The following UBE2K variants were observed in gnomAD, a reference collection of about 807,000 sequenced individuals.
The protein encoded by UBE2K is ubiquitin-conjugating enzyme E2 K.
Under a neutral mutation model 30.0 loss-of-function variants are expected in UBE2K, and 6 were observed. The observed-to-expected ratio is 0.20, with a 90% CI of 0.11 to 0.39. UBE2K has a LOEUF of 0.39. Among genes scored for constraint, UBE2K ranks in the 10% least tolerant of loss-of-function variants. The pLI is 1.00. For missense variants in UBE2K, 61 were observed against 241.6 expected (o/e 0.25, Z 4.96); for synonymous variants, 86 against 83.7 (o/e 1.03, Z -0.15).
At chr4:39,726,517 CCT>C (rs1438096662) in intron 1 of UBE2K, among the ~76,000 whole-genome samples, 10 of 147,922 alleles carry the variant, frequency 6.8e-5, no homozygotes. Flanking sequence ...CACCACTCCT[CCT>C]GGCCTCCACT....
intron 1 of UBE2K, among the ~76,000 whole-genome samples, chr4:39,716,024 A>G (rs1719039947): frequency 6.6e-6 from 1 of 152,038 alleles, no homozygotes; most frequent in Non-Finnish European, 1.5e-5. Flanking sequence ...CATTTTGTAC[A>G]TGTTCCTTCA....
chr4:39,718,686 C>T (rs973310129), intron 1 of UBE2K, among the ~76,000 whole-genome samples: 21 of 152,236 alleles, frequency 1.4e-4, no homozygotes, highest in Non-Finnish European at 5.9e-5. Context: ...TTGAGCGCAG[C>T]GCTGGTGGGC....
intron 3 of UBE2K, among the ~76,000 whole-genome samples, chr4:39,752,820 G>A (rs1721339095): frequency 6.6e-6 from 1 of 151,836 alleles, no homozygotes; most frequent in African/African-American, 2.4e-5. Flanking sequence ...GAAAATGCTC[G>A]TTGGAGCATT....
At position 39,777,671 on chromosome 4, in the gene UBE2K, C is replaced by T. The variant is rs1303346799; in HGVS notation, c.400-11C>T. 4 of 1,533,658 alleles carry T rather than the reference C, an allele frequency of 2.6e-6. No individual in the cohort carries two copies. The highest frequency in any genetic ancestry group is 3.5e-6 in the Non-Finnish European group (4 of 1,151,972). ...GTAATGTCATGTCAATCAATTTTTC[C>T]CCCCATATAGTACAAACAAAATCCC... On this transcript the variant is annotated splice_polypyrimidine_tract_variant and intron_variant, in intron 5 of 6. Transcript: ENST00000261427.
intron 1 of UBE2K, among the ~76,000 whole-genome samples, chr4:39,706,546 C>G: frequency 6.6e-6 from 1 of 150,454 alleles, no homozygotes; most frequent in South Asian, 2.1e-4. Context: ...GATCCAAGCT[C>G]ACTGCAGCCA....
intron 1 of UBE2K, among the ~76,000 whole-genome samples, chr4:39,725,418 A>T: frequency 6.8e-6 from 1 of 147,620 alleles, no homozygotes; most frequent in African/African-American, 2.5e-5. Context: ...ACCTCTTGAT[A>T]GTAAGGTTTC....
At chr4:39,770,943 C>G in intron 4 of UBE2K, 1 of 1,564,474 alleles carries the variant, frequency 6.4e-7, no homozygotes. Flanking sequence ...GGGGTGGGGG[C>G]TTCGGGGCTG....
chr4:39,767,540 G>A (rs1040629232), intron 4 of UBE2K, among the ~76,000 whole-genome samples: 1 of 151,946 alleles, frequency 6.6e-6, no homozygotes, highest in Non-Finnish European at 1.5e-5. Flanking sequence ...TGCCAGGATG[G>A]TCTCGATCTC....
chr4:39,706,058 C>G (rs776632114), intron 1 of UBE2K, among the ~76,000 whole-genome samples: 1 of 152,166 alleles, frequency 6.6e-6, no homozygotes, highest in African/African-American at 2.4e-5. Flanking sequence ...GTCACCTAGG[C>G]TGGAGTGCAG....
chr4:39,731,048 C>A (rs377528927), intron 1 of UBE2K, among the ~76,000 whole-genome samples: 1 of 151,738 alleles, frequency 6.6e-6, no homozygotes, highest in Non-Finnish European at 1.5e-5. Context: ...TGCAGTGGCA[C>A]GATCTCAACT....
intron 2 of UBE2K, among the ~76,000 whole-genome samples, chr4:39,744,426 C>A (rs1720875706): frequency 6.6e-6 from 1 of 151,398 alleles, no homozygotes. Context: ...CCTGCCTCAG[C>A]CTCCCAAAGT....
At chr4:39,748,982 TA>T (rs1167388041) in intron 3 of UBE2K, among the ~76,000 whole-genome samples, 1 of 152,238 alleles carries the variant, frequency 6.6e-6, no homozygotes, top group Non-Finnish European at 1.5e-5. Flanking sequence ...GGGGAATATT[TA>T]TGTAAATTTC....
intron 1 of UBE2K, among the ~76,000 whole-genome samples, chr4:39,734,555 T>C (rs575193013): frequency 3.3e-5 from 5 of 152,204 alleles, no homozygotes; most frequent in African/African-American, 9.6e-5. Context: ...CGCAGCACTT[T>C]TGGAGGCCAA....
chr4:39,774,892 G>A lies in UBE2K; in HGVS notation c.358G>A (p.Ala120Thr). 6.2e-7 allele frequency: 1 copy of A among 1,606,474 alleles called. No homozygotes were observed. Among genetic ancestry groups the A allele is most frequent in the Non-Finnish European group, 8.5e-7 (1 of 1,174,472 alleles). ...GTCATTGCAAGCACTATTGGCAGCT[G>A]CAGAGCCAGATGATCCACAGGATGC... ...LLSLQALLAAAEPDDPQDAVV... is the reference protein window; with the variant it reads ...LLSLQALLAATEPDDPQDAVV... The change falls in exon 5 of 7, where the codon GCA becomes ACA. Residue 120 changes from alanine to threonine, a missense_variant. Ala to Thr is a moderately conservative substitution (Grantham distance 58). Coordinates refer to ENST00000261427, the MANE Select transcript of UBE2K (RefSeq NM_005339.5).
chr4:39,771,153 G>T, intron 4 of UBE2K: 1 of 1,612,660 alleles, frequency 6.2e-7, no homozygotes, highest in Non-Finnish European at 8.5e-7. Context: ...CCCTAACAGC[G>T]AATTCCAGGG....
chr4:39,702,157 G>C (rs1718049518), intron 1 of UBE2K, among the ~76,000 whole-genome samples: 1 of 150,602 alleles, frequency 6.6e-6, no homozygotes, highest in Non-Finnish European at 1.5e-5. Context: ...TTGGTCTTAT[G>C]CTATATGGCA....
chr4:39,744,195 T>G lies in UBE2K; in HGVS notation c.158-1557T>G, dbSNP rs1720862525. Among the ~76,000 whole-genome samples, 3 of 151,216 alleles carry G rather than the reference T, an allele frequency of 2.0e-5. No individual in the cohort carries two copies. The South Asian group carries it at 6.3e-4, about 32-fold the overall frequency. ...TCTTAAGAGGCAGTTATCCTTTCCT[T>G]GAGTACCCCAGTTGTGAGAAGCTAG... On this transcript the variant is annotated intron_variant, in intron 2 of 6. Transcript: ENST00000261427.
chr4:39,702,960 T>C (rs1718119769), intron 1 of UBE2K, among the ~76,000 whole-genome samples: 1 of 152,056 alleles, frequency 6.6e-6, no homozygotes, highest in South Asian at 2.1e-4. Context: ...CAACTAAAAA[T>C]GTCCCCAGAC....
rs1390515016 is a variant in UBE2K, at chr4:39,782,199, GGT to G, written c.*3769_*3770del. On this transcript the variant is annotated 3_prime_UTR_variant, in exon 7 of 7. Coordinates refer to ENST00000261427, the MANE Select transcript of UBE2K (RefSeq NM_005339.5). ...TCAACCATGCTGCTATATATAATCA[GGT>G]GTGGCACAGTTTGTCAGTTTGATTA... The G allele has an allele frequency of 5.3e-6, 2 of 375,588 alleles. No homozygotes were observed. Among genetic ancestry groups the G allele is most frequent in the East Asian group, 7.5e-5 (2 of 26,564 alleles). The allele number at this position is 375,588 out of a possible 1,614,324, so 23.3% of individuals were successfully genotyped here.
Sources: allele counts gnomAD v4.1 joint callset (sites outside exome capture counted in the v4.1 genomes callset), GRCh38; gene constraint gnomAD v4.1.1; transcripts MANE v1.5; gene names NCBI Gene and HGNC (gene_info 2026-07-23, HGNC 2026-07-21).